Variants in HIPK3 observed in about 807,000 individuals in gnomAD.
The protein encoded by HIPK3 is homeodomain-interacting protein kinase 3.
HIPK3 carries 47 observed loss-of-function variants against 124.2 expected under a neutral mutation model. That is an observed-to-expected ratio of 0.38 (90% CI 0.30 to 0.48). The LOEUF (loss-of-function observed/expected upper bound fraction) is 0.48, where lower values mean the gene tolerates loss of function less well. Among genes scored for constraint, HIPK3 ranks in the 20% least tolerant of loss-of-function variants. HIPK3 has a pLI of 0.98. For synonymous variants in HIPK3, 482 were observed against 515.2 expected, an observed-to-expected ratio of 0.94 and a Z score of 0.87; for missense variants, 1,286 against 1,454.3, an observed-to-expected ratio of 0.88 and a Z score of 1.88.
At chr11:33,307,964 A>G (rs1443970755) in intron 2 of HIPK3, among the ~76,000 whole-genome samples, 1 of 152,068 alleles carries the variant, frequency 6.6e-6, no homozygotes, top group Non-Finnish European at 1.5e-5. Context: ...TATGATTATG[A>G]TTGCCATTTG....
At chr11:33,302,311 C>G (rs1852023532) in intron 2 of HIPK3, among the ~76,000 whole-genome samples, 1 of 148,336 alleles carries the variant, frequency 6.7e-6, no homozygotes, top group South Asian at 2.1e-4. Flanking sequence ...TGATTCTCTC[C>G]AATGAACTTC....
chr11:33,347,529 T>C, intron 9 of HIPK3, 100 bp from the exon 10 acceptor site: 1 of 1,565,906 alleles, frequency 6.4e-7, no homozygotes, highest in Admixed American at 1.8e-5. Context: ...ATGTTTATAA[T>C]TGTTAGCTGT....
At chr11:33,305,324 C>A (rs990571631) in intron 2 of HIPK3, among the ~76,000 whole-genome samples, 4 of 152,100 alleles carry the variant, frequency 2.6e-5, no homozygotes, top group African/African-American at 9.7e-5. Flanking sequence ...TAATTTTTCA[C>A]TACTCTGTAT....
rs1853588822 is a variant in HIPK3 at position 33,349,266 on chromosome 11, C to T, written c.2786C>T (p.Ser929Phe). 1 of 1,613,274 alleles carries T rather than the reference C, an allele frequency of 6.2e-7. No individual in the cohort carries two copies. The highest frequency in any genetic ancestry group is 1.3e-5 in the African/African-American group (1 of 74,870). ...STSSSGQSSPSPCKRPNSMSD... is the reference protein window; with the variant it reads ...STSSSGQSSPFPCKRPNSMSD... ...AGCTCCTCAGGGCAGTCCAGCCCAT[C>T]CCCCTGCAAGAGACCGAATAGGTAA... The change falls in exon 14 of 17, where the codon TCC (serine) becomes TTC (phenylalanine). Residue 929 changes from serine (S) to phenylalanine (F), a missense_variant. Coordinates refer to ENST00000303296, the MANE Select transcript of HIPK3 (RefSeq NM_005734.5).
At chr11:33,281,580 C>G (rs1851413405) in intron 1 of HIPK3, among the ~76,000 whole-genome samples, 1 of 152,136 alleles carries the variant, frequency 6.6e-6, no homozygotes, top group Non-Finnish European at 1.5e-5. Flanking sequence ...CTTTTCATTG[C>G]TGCCAGTATT....
At chr11:33,305,547 A>G (rs1483180252) in intron 2 of HIPK3, among the ~76,000 whole-genome samples, 18 of 152,174 alleles carry the variant, frequency 1.2e-4, no homozygotes. Flanking sequence ...TCATTTTACA[A>G]ATAGGGACAT....
intron 2 of HIPK3, among the ~76,000 whole-genome samples, chr11:33,305,204 G>A (rs1045144715): frequency 5.3e-5 from 8 of 151,960 alleles, no homozygotes; most frequent in South Asian, 2.1e-4. Flanking sequence ...GTTTCACCAC[G>A]TTGGCCAGGT....
At chr11:33,273,536 A>AAAAG (rs1565056919) in intron 1 of HIPK3, among the ~76,000 whole-genome samples, 1 of 149,992 alleles carries the variant, frequency 6.7e-6, no homozygotes, top group Non-Finnish European at 1.5e-5. Flanking sequence ...AAAAAAAAAA[A>AAAAG]AAGAAGATTT....
At chr11:33,262,389 T>A (rs1850848916) in intron 1 of HIPK3, among the ~76,000 whole-genome samples, 1 of 152,214 alleles carries the variant, frequency 6.6e-6, no homozygotes, top group African/African-American at 2.4e-5. Context: ...GTTTGTCAAA[T>A]GAAACCTTGA....
intron 1 of HIPK3, among the ~76,000 whole-genome samples, chr11:33,267,052 T>C (rs1368460749): frequency 2.6e-5 from 4 of 152,140 alleles, no homozygotes; most frequent in South Asian, 2.1e-4. Flanking sequence ...AAATTTAGAA[T>C]GTAGAGCCCT....
Position 33,348,506 on chromosome 11 carries a change from ATTCC to A in HIPK3, c.2370-13_2370-10del. On this transcript the variant is annotated splice_polypyrimidine_tract_variant and intron_variant, in intron 12 of 16. Coordinates refer to ENST00000303296, the MANE Select transcript of HIPK3 (RefSeq NM_005734.5). Reference sequence around the variant, plus strand: ...ATTTTGATTATAGAAATTATAAATTATTCCTTTGGTTGCAGGAGTAATTCATTAC... The same window carrying A: ...ATTTTGATTATAGAAATTATAAATTATTTGGTTGCAGGAGTAATTCATTAC... The A allele has an allele frequency of 6.4e-7, 1 of 1,569,048 alleles. No homozygotes were observed. Among genetic ancestry groups the A allele is most frequent in the Non-Finnish European group, 8.7e-7 (1 of 1,148,864 alleles).
chr11:33,293,394 C>T (rs1590366683), intron 2 of HIPK3, among the ~76,000 whole-genome samples: 1 of 152,126 alleles, frequency 6.6e-6, no homozygotes, highest in Admixed American at 6.6e-5. Flanking sequence ...TCAAAAGAAG[C>T]CCGTGTGCCT....
chr11:33,278,564 T>G (rs1000760845), intron 1 of HIPK3, among the ~76,000 whole-genome samples: 1 of 152,212 alleles, frequency 6.6e-6, no homozygotes, highest in African/African-American at 2.4e-5. Flanking sequence ...TTCTTTGTTT[T>G]TTTAGCATGC....
intron 2 of HIPK3, among the ~76,000 whole-genome samples, chr11:33,296,454 A>G (rs1851844446): frequency 6.6e-6 from 1 of 152,226 alleles, no homozygotes; most frequent in Non-Finnish European, 1.5e-5. Flanking sequence ...TAGAAAATAT[A>G]GAAGCATACC....
chr11:33,315,583 G>A (rs563882596), intron 2 of HIPK3, among the ~76,000 whole-genome samples: 50 of 152,198 alleles, frequency 3.3e-4, no homozygotes, highest in African/African-American at 1.1e-3. Context: ...GCCTTGTCTC[G>A]AACTTCTGCA....
intron 1 of HIPK3, among the ~76,000 whole-genome samples, chr11:33,279,156 A>G (rs1243828303): frequency 1.3e-5 from 2 of 152,070 alleles, no homozygotes; most frequent in East Asian, 3.9e-4. Flanking sequence ...TCTACTAAAA[A>G]TACAGAAATT....
chr11:33,328,605 T>C lies in HIPK3; in HGVS notation c.1193T>C (p.Leu398Pro). Reference protein sequence around the residue: ...VIAELFLGWPLYPGALEYDQI... With the variant: ...VIAELFLGWPPYPGALEYDQI... ...GCAGAATTATTTCTTGGATGGCCGCTCTACCCAGGAGCCTTGGAGTATGAT... is the reference window on the plus strand; with the variant it reads ...GCAGAATTATTTCTTGGATGGCCGCCCTACCCAGGAGCCTTGGAGTATGAT... Residue 398 changes from leucine to proline, a missense_variant, in exon 3 of 17, where the codon CTC (leucine) becomes CCC (proline). Transcript: ENST00000303296. 1 of 1,613,622 alleles carries C rather than the reference T, an allele frequency of 6.2e-7. No homozygotes were observed. Among genetic ancestry groups the C allele is most frequent in the Non-Finnish European group, 8.5e-7 (1 of 1,179,634 alleles).
rs113852308 is a variant in HIPK3 at position 33,258,625 on chromosome 11, T to A, written c.-3+736T>A. 302 of 985,340 alleles carry A rather than the reference T, an allele frequency of 3.1e-4. 1 individual carries two copies. The African/African-American group carries it at 5.0e-3, about 16-fold the overall frequency. The allele number at this position is 985,340 out of a possible 1,614,324, so 61.0% of individuals were successfully genotyped here. A position where few individuals can be genotyped will look rare whatever the true frequency, so the allele number is the denominator to read the frequency against. Reference sequence around the variant, plus strand: ...CTTCCCTTCGCCGCACTGGGAGAACTGGCGGAAAGACTTTGGATGAAAATG... The same window carrying A: ...CTTCCCTTCGCCGCACTGGGAGAACAGGCGGAAAGACTTTGGATGAAAATG... On this transcript the variant is annotated intron_variant, in intron 1 of 16. Coordinates refer to ENST00000303296, the MANE Select transcript of HIPK3 (RefSeq NM_005734.5).
At chr11:33,350,678 AAAGG>A (rs1171508774) in intron 14 of HIPK3, among the ~76,000 whole-genome samples, 1 of 152,008 alleles carries the variant, frequency 6.6e-6, no homozygotes, top group Non-Finnish European at 1.5e-5. Flanking sequence ...TATCTCTTAG[AAAGG>A]AAGGAAGGAA....
Sources: gnomAD v4.1 joint callset for allele counts (sites outside exome capture counted in the v4.1 genomes callset) on GRCh38, gnomAD v4.1.1 for gene constraint, MANE v1.5 for transcripts, NCBI Gene and HGNC (gene_info 2026-07-23, HGNC 2026-07-21) for gene names.